TASOR2: variants seen among roughly 807,000 people sequenced by gnomAD.
TASOR2 encodes transcription activation suppressor family member 2, also known as protein TASOR 2.
Under a neutral mutation model 199.5 loss-of-function variants are expected in TASOR2, and 84 were observed. The observed-to-expected ratio is 0.42, with a 90% CI of 0.35 to 0.50. The LOEUF is 0.50. Among genes scored for constraint, TASOR2 ranks in the 20% least tolerant of loss-of-function variants. The pLI is 0.02. For missense variants in TASOR2, 2,796 were observed against 2,835.9 expected (o/e 0.99, Z 0.32); for synonymous variants, 1,103 against 1,046.6 (o/e 1.05, Z -1.04).
rs1364530245 is a variant in TASOR2 at position 5,719,679 on chromosome 10, C to T, written c.-99-865C>T. Among the ~76,000 whole-genome samples, 1 of 151,926 alleles carries T rather than the reference C, an allele frequency of 6.6e-6. No individual in the cohort carries two copies. Among genetic ancestry groups the T allele is most frequent in the Non-Finnish European group, 1.5e-5 (1 of 67,962 alleles). On this transcript the variant is annotated intron_variant, in intron 3 of 20. Transcript: ENST00000328090. The surrounding 1 kb of genome is among the most constrained non-coding windows in gnomAD (Gnocchi z 4.1). ...CTTTTTTTTTGGAGAGACATGTAAC[C>T]CTTGATGGAGAGAACTCTGTAATGG...
intron 1 of TASOR2, among the ~76,000 whole-genome samples, chr10:5,709,825 A>G (rs1056030790): frequency 5.3e-5 from 8 of 152,198 alleles, no homozygotes; most frequent in African/African-American, 1.7e-4. Flanking sequence ...TCCAAAAGTA[A>G]TAGGTGATTA....
intron 1 of TASOR2, among the ~76,000 whole-genome samples, chr10:5,709,224 G>A (rs998113762): frequency 6.6e-6 from 1 of 152,040 alleles, no homozygotes; most frequent in Non-Finnish European, 1.5e-5. Flanking sequence ...ATAAAGATGT[G>A]GTTCTGTGAT....
chr10:5,697,753 C>T (rs1312895689), intron 1 of TASOR2, among the ~76,000 whole-genome samples: 2 of 152,144 alleles, frequency 1.3e-5, no homozygotes, highest in African/African-American at 4.8e-5. Flanking sequence ...GACAAGTGCC[C>T]TACCCCTCCC....
At position 5,754,440 on chromosome 10, in the gene TASOR2, A is replaced by C. The variant is rs1838549365; in HGVS notation, c.6607-2173A>C. ...GTTTTGCTCTTGTCGCCCAGGCTGG[A>C]GTGCAGTGGCGCGATCTCAGCTCAC... is the stretch of plus-strand genomic sequence containing the variant. On this transcript the variant is annotated intron_variant, in intron 15 of 20. Transcript: ENST00000328090. This position sits in a 1 kb window ranked among gnomAD's most constrained non-coding sequence, Gnocchi z 4.3. Among the ~76,000 whole-genome samples the C allele has an allele frequency of 6.6e-6, 1 of 151,634 alleles. No homozygotes were observed. Among genetic ancestry groups the C allele is most frequent in the Admixed American group, 6.6e-5 (1 of 15,218 alleles).
In TASOR2 at chr10:5,742,683, G is replaced by A. The variant is rs1398511297; in HGVS notation, c.2757+157G>A. ...ATTACACCAAAAACCTAGTTTTCAT[G>A]AAGTGTCCTTGAATTGTCTGCAGGT... is the stretch of plus-strand genomic sequence containing the variant. On this transcript the variant is annotated intron_variant, in intron 14 of 20. Transcript: ENST00000328090. The surrounding 1 kb of genome is among the most constrained non-coding windows in gnomAD (Gnocchi z 4.2). Among the ~76,000 whole-genome samples, 2 of 152,100 alleles carry A rather than the reference G, an allele frequency of 1.3e-5. No individual in the cohort carries two copies. Among genetic ancestry groups the A allele is most frequent in the Non-Finnish European group, 2.9e-5 (2 of 68,022 alleles).
At position 5,762,515 on chromosome 10, in the gene TASOR2, T is replaced by TTG. The variant is rs1564380299; in HGVS notation, c.7175-16_7175-15insGT. 5.0e-6 allele frequency: 3 copies of TTG among 599,542 alleles called. No homozygotes were observed. Among genetic ancestry groups the TTG allele is most frequent in the Admixed American group, 4.1e-5 (1 of 24,454 alleles). 37.1% of individuals were successfully genotyped at this position (599,542 alleles called of 1,614,324 possible). A position where few individuals can be genotyped will look rare whatever the true frequency, so the allele number is the denominator to read the frequency against. ...TAATTATATTAACCAAAAGTTGTTT[T>TTG]TTTTTTTTTTTAACAGACAAGCCTA... On this transcript the variant is annotated splice_polypyrimidine_tract_variant and intron_variant, in intron 19 of 20. Coordinates refer to ENST00000328090, the Ensembl canonical transcript of TASOR2.
chr10:5,739,034 C>A (rs1416578837), intron 12 of TASOR2, among the ~76,000 whole-genome samples: 1 of 152,146 alleles, frequency 6.6e-6, no homozygotes, highest in Non-Finnish European at 1.5e-5. Flanking sequence ...ACTCTTAGGA[C>A]TTTTCTAATT....
chr10:5,713,108 C>A (rs556481120), intron 2 of TASOR2, among the ~76,000 whole-genome samples, 190 bp downstream of exon 2: 20 of 152,210 alleles, frequency 1.3e-4, no homozygotes, highest in African/African-American at 4.6e-4. Context: ...CAACTTTTCA[C>A]GGTTTCTCTT....
At chr10:5,688,907 G>A (rs1836106151) in intron 1 of TASOR2, among the ~76,000 whole-genome samples, 1 of 152,026 alleles carries the variant, frequency 6.6e-6, no homozygotes, top group Non-Finnish European at 1.5e-5. Flanking sequence ...GGAGGCTGAG[G>A]TGGGAGGATT....
chr10:5,735,305 T>C, exon 12 of TASOR2: 1 of 1,613,142 alleles, frequency 6.2e-7, no homozygotes, highest in Non-Finnish European at 8.5e-7. Context: ...CTACATAAGG[T>C]GCGGAAGTGC....
chr10:5,696,441 T>TGA (rs918959881), intron 1 of TASOR2, among the ~76,000 whole-genome samples: 1 of 152,184 alleles, frequency 6.6e-6, no homozygotes, highest in Non-Finnish European at 1.5e-5. Context: ...ACTATAGCGT[T>TGA]GAACTCCTGG....
At position 5,696,601 on chromosome 10, in the gene TASOR2, G is replaced by A. The variant is rs111991596; in HGVS notation, c.-288+11426G>A. ...CAACTCCTGGGCTTGTGATCTTCCT[G>A]CCTTGGCTTCCCAAAGTACTGGGAT... On this transcript the variant is annotated intron_variant, in intron 1 of 20. Transcript: ENST00000328090. 5.7e-3 allele frequency among the ~76,000 whole-genome samples: 872 copies of A among 152,212 alleles called. 10 individuals carry two copies. Among genetic ancestry groups the A allele is most frequent in the African/African-American group, 0.02 (831 of 41,508 alleles).
At chr10:5,746,121 C>CGTATAT in intron 14 of TASOR2, 58 bp from the exon 16 acceptor site, 1 of 1,473,948 alleles carries the variant, frequency 6.8e-7, no homozygotes, top group Admixed American at 2.3e-5. Flanking sequence ...TACATATAAT[C>CGTATAT]GTATAAAAAA....
At position 5,698,500 on chromosome 10, in the gene TASOR2, A is replaced by G. The variant is rs1837421253; in HGVS notation, c.-288+13325A>G. Among the ~76,000 whole-genome samples, 1 of 152,206 alleles carries G rather than the reference A, an allele frequency of 6.6e-6. No homozygotes were observed. The highest frequency in any genetic ancestry group is 1.5e-5 in the Non-Finnish European group (1 of 68,016). On this transcript the variant is annotated intron_variant, in intron 1 of 20. Transcript: ENST00000328090. This position sits in a 1 kb window ranked among gnomAD's most constrained non-coding sequence, Gnocchi z 4.4. ...TCTACAGACGATATTTTTCAAAACA[A>G]TATTAGCAGAAAATAAATCACAAGT...
At chr10:5,727,861 A>G (rs1002305950) in intron 10 of TASOR2, among the ~76,000 whole-genome samples, 1 of 152,118 alleles carries the variant, frequency 6.6e-6, no homozygotes, top group African/African-American at 2.4e-5. Flanking sequence ...CTTGTATTCT[A>G]CTGTATCCCT....
At chr10:5,743,992 A>G (rs984797447) in intron 14 of TASOR2, 7 of 152,272 alleles carry the variant, frequency 4.6e-5, no homozygotes, top group Non-Finnish European at 8.8e-5. Flanking sequence ...AACCAAAAGC[A>G]TGTTGCTGCT....
Position 5,742,046 on chromosome 10 carries a change from T to G in TASOR2, c.2328-51T>G, listed in dbSNP as rs902717801. 1 of 1,561,468 alleles carries G rather than the reference T, an allele frequency of 6.4e-7. No individual in the cohort carries two copies. The highest frequency in any genetic ancestry group is 1.4e-5 in the African/African-American group (1 of 72,416). On this transcript the variant is annotated intron_variant, in intron 13 of 20. Transcript: ENST00000328090. The surrounding 1 kb of genome is among the most constrained non-coding windows in gnomAD (Gnocchi z 4.2). The stretch of plus-strand genomic sequence containing the variant: ...ACTTGCTTATGATAAGGTAATCAAC[T>G]AAAATAACCATTTTCAATGATTTTC...
intron 1 of TASOR2, among the ~76,000 whole-genome samples, chr10:5,705,367 A>G (rs978525966): frequency 6.6e-6 from 1 of 152,202 alleles, no homozygotes; most frequent in African/African-American, 2.4e-5. Flanking sequence ...GTGTGAATAT[A>G]CAAGTTTATC....
At chr10:5,709,137 T>C (rs1831596271) in intron 1 of TASOR2, among the ~76,000 whole-genome samples, 1 of 152,188 alleles carries the variant, frequency 6.6e-6, no homozygotes, top group Admixed American at 6.5e-5. Context: ...AATGAATATA[T>C]ATACAACTAA....
Sources: allele counts gnomAD v4.1 joint callset (sites outside exome capture counted in the v4.1 genomes callset), GRCh38; gene constraint gnomAD v4.1.1; non-coding constraint Gnocchi (gnomAD v3.1); transcripts MANE v1.5; gene names NCBI Gene and HGNC (gene_info 2026-07-23, HGNC 2026-07-21).